The following NAALADL2 variants were observed in gnomAD, a reference collection of about 807,000 sequenced individuals.
NAALADL2 encodes N-acetylated alpha-linked acidic dipeptidase like 2, also known as inactive N-acetylated-alpha-linked acidic dipeptidase-like protein 2.
Under a neutral mutation model 87.2 loss-of-function variants are expected in NAALADL2, and 76 were observed. The ratio of observed to expected loss-of-function variants is 0.87; its 90% CI spans 0.72 to 1.05. The LOEUF (loss-of-function observed/expected upper bound fraction) is 1.05, where lower values mean the gene tolerates loss of function less well. NAALADL2 is among the 50% of genes least tolerant of loss of function. NAALADL2 has a pLI of 0.00. For missense variants in NAALADL2, 1,089 were observed against 945.8 expected (o/e 1.15, Z -1.99); for synonymous variants, 354 against 331.0 (o/e 1.07, Z -0.75).
At chr3:174,544,601 T>A (rs1722561934) in intron 1 of NAALADL2, among the ~76,000 whole-genome samples, 1 of 139,020 alleles carries the variant, frequency 7.2e-6, no homozygotes, top group Non-Finnish European at 1.5e-5. Flanking sequence ...AGAGTCTCAC[T>A]CCATTGCCAG....
intron 1 of NAALADL2, among the ~76,000 whole-genome samples, chr3:174,446,663 C>G (rs777642804): frequency 1.5e-4 from 23 of 152,144 alleles, no homozygotes; most frequent in Non-Finnish European, 2.5e-4. Flanking sequence ...CCAGTTCTAA[C>G]AAGCCCTGTA....
upstream of NAALADL2, among the ~76,000 whole-genome samples, chr3:174,858,443 T>A (rs1045447637): frequency 6.6e-6 from 1 of 152,048 alleles, no homozygotes. Context: ...TTTTGTTGAG[T>A]CACAACAGTT....
At chr3:174,524,936 A>G (rs547754495) in intron 1 of NAALADL2, among the ~76,000 whole-genome samples, 4 of 152,174 alleles carry the variant, frequency 2.6e-5, no homozygotes, top group Non-Finnish European at 4.4e-5. Flanking sequence ...CTGTGTTTAG[A>G]TATGTTTAGA....
intron 4 of NAALADL2, among the ~76,000 whole-genome samples, chr3:175,269,322 A>G (rs890023010): frequency 6.6e-6 from 1 of 152,158 alleles, no homozygotes; most frequent in African/African-American, 2.4e-5. Flanking sequence ...CAAACCACTA[A>G]TATAGTTGAT....
At chr3:174,571,463 G>A (rs756258875) in intron 2 of NAALADL2, among the ~76,000 whole-genome samples, 1 of 151,948 alleles carries the variant, frequency 6.6e-6, no homozygotes. Flanking sequence ...CAAAAACTCC[G>A]CCTCCTGGGT....
rs925292330 is a variant in NAALADL2 at position 174,805,845 on chromosome 3, T to C, written c.-9+68099T>C. Among the ~76,000 whole-genome samples, 3 of 152,084 alleles carry C rather than the reference T, an allele frequency of 2.0e-5. No homozygotes were observed. The South Asian group carries it at 6.2e-4, about 32-fold the overall frequency. On this transcript the variant is annotated intron_variant, in intron 3 of 3. Transcript: ENST00000434257. Reference sequence around the variant, plus strand: ...AAATTCTGCTTCATTTATGTAGGCATTTTATGTGTAAGTACATTTTAGCAT... The same window carrying C: ...AAATTCTGCTTCATTTATGTAGGCACTTTATGTGTAAGTACATTTTAGCAT...
chr3:175,528,644 C>A (rs1733722118), intron 9 of NAALADL2, among the ~76,000 whole-genome samples: 1 of 152,122 alleles, frequency 6.6e-6, no homozygotes, highest in Admixed American at 6.6e-5. Flanking sequence ...CAAATAAAGA[C>A]AATAATAAGG....
intron 2 of NAALADL2, among the ~76,000 whole-genome samples, chr3:175,133,449 C>G (rs1371561674): frequency 3.3e-5 from 5 of 152,194 alleles, no homozygotes; most frequent in African/African-American, 4.8e-5. Flanking sequence ...ACTGAGTGAA[C>G]CAGACTCCGT....
chr3:175,638,383 A>G (rs1276933400), intron 11 of NAALADL2, among the ~76,000 whole-genome samples: 1 of 152,176 alleles, frequency 6.6e-6, no homozygotes, highest in Non-Finnish European at 1.5e-5. Flanking sequence ...CTCTTACTAA[A>G]ATGGTATACC....
At chr3:175,383,720 C>G (rs764301625) in intron 5 of NAALADL2, among the ~76,000 whole-genome samples, 4 of 151,984 alleles carry the variant, frequency 2.6e-5, no homozygotes, top group Non-Finnish European at 5.9e-5. Context: ...TACAATTAAA[C>G]CAGAGAAGTT....
chr3:175,451,241 C>T (rs1018041199), intron 6 of NAALADL2, among the ~76,000 whole-genome samples: 3 of 151,820 alleles, frequency 2.0e-5, no homozygotes, highest in East Asian at 1.9e-4. Context: ...AACACTTAAA[C>T]TAAACAAAAG....
Position 175,321,786 on chromosome 3 carries a change from T to G in NAALADL2, c.940-2389T>G, listed in dbSNP as rs866656641. Reference sequence around the variant, plus strand: ...CTAGGAATCCAACTTACAAGGGATGTGAAGGACCTCTTCAAGGAGAACTAC... The same window carrying G: ...CTAGGAATCCAACTTACAAGGGATGGGAAGGACCTCTTCAAGGAGAACTAC... On this transcript the variant is annotated intron_variant, in intron 4 of 13. Coordinates refer to ENST00000454872, the MANE Select transcript of NAALADL2 (RefSeq NM_207015.3). Among the ~76,000 whole-genome samples, 803 of 130,518 alleles carry G rather than the reference T, an allele frequency of 6.2e-3. 10 individuals are homozygous for G. The highest frequency in any genetic ancestry group is 0.01 in the Non-Finnish European group (642 of 62,994). The allele number at this position is 130,518 out of a possible 152,430, so 85.6% of individuals were successfully genotyped here. A position where few individuals can be genotyped will look rare whatever the true frequency, so the allele number is the denominator to read the frequency against.
In NAALADL2 at chr3:174,594,105, C is replaced by T. The variant is rs1375084537; in HGVS notation, c.-115+43468C>T. ...TATTGAGGAATTTTTTTTCTTTAGT[C>T]AGCTGCGGTTACTTAACCAGGAAAA... is the stretch of plus-strand genomic sequence containing the variant. On this transcript the variant is annotated intron_variant, in intron 2 of 3. Transcript: ENST00000434257. Among the ~76,000 whole-genome samples the T allele has an allele frequency of 7.3e-5, 8 of 110,328 alleles. No homozygotes were observed. In the Admixed American group the frequency reaches 7.7e-4, roughly 11 times the overall value. The allele number at this position is 110,328 out of a possible 152,430, so 72.4% of individuals were successfully genotyped here.
At position 175,244,171 on chromosome 3, in the gene NAALADL2, T is replaced by C. The variant is rs949146436; in HGVS notation, c.819+9967T>C. On this transcript the variant is annotated intron_variant, in intron 3 of 13. Coordinates refer to ENST00000454872, the MANE Select transcript of NAALADL2 (RefSeq NM_207015.3). ...GTTGTTGATTATTTATTTTGTGTCT[T>C]ATAATAGTTTTATTCCTAGTTTGCT... is the stretch of plus-strand genomic sequence containing the variant. Among the ~76,000 whole-genome samples the C allele has an allele frequency of 9.8e-5, 15 of 152,294 alleles. No individual in the cohort carries two copies. In the East Asian group the frequency reaches 2.9e-3, roughly 29 times the overall value.
intron 5 of NAALADL2, among the ~76,000 whole-genome samples, chr3:175,356,557 AG>A (rs1428654094): frequency 7.0e-6 from 1 of 142,862 alleles, no homozygotes; most frequent in Admixed American, 7.2e-5. Flanking sequence ...CCTGGATGAC[AG>A]AGCAAGACCC....
intron 1 of NAALADL2, among the ~76,000 whole-genome samples, chr3:175,053,163 G>T (rs1380838386): frequency 6.6e-6 from 1 of 152,178 alleles, no homozygotes; most frequent in African/African-American, 2.4e-5. Flanking sequence ...TAAGTACTGA[G>T]ATCAGAAAGC....
At chr3:175,553,558 T>C (rs1396602427) in intron 9 of NAALADL2, among the ~76,000 whole-genome samples, 2 of 151,996 alleles carry the variant, frequency 1.3e-5, no homozygotes, top group Non-Finnish European at 2.9e-5. Context: ...TAATTACATA[T>C]TGCTTTGGAC....
intron 13 of NAALADL2, among the ~76,000 whole-genome samples, chr3:175,788,741 CATAA>C (rs1274574108): frequency 6.6e-6 from 1 of 152,108 alleles, no homozygotes; most frequent in Non-Finnish European, 1.5e-5. Context: ...TAGATGGTCA[CATAA>C]ATATATTTCT....
At chr3:174,641,586 A>C (rs1204347315) in intron 2 of NAALADL2, among the ~76,000 whole-genome samples, 3 of 152,132 alleles carry the variant, frequency 2.0e-5, no homozygotes, top group Non-Finnish European at 2.9e-5. Context: ...TCAACACGTC[A>C]ATGTACCTGT....
Sources: gnomAD v4.1 joint callset for allele counts (sites outside exome capture counted in the v4.1 genomes callset) on GRCh38, gnomAD v4.1.1 for gene constraint, MANE v1.5 for transcripts, NCBI Gene and HGNC (gene_info 2026-07-23, HGNC 2026-07-21) for gene names.